The following RARB variants were observed in gnomAD, a reference collection of about 807,000 sequenced individuals.
RARB encodes the protein retinoic acid receptor beta.
Under a neutral mutation model 51.9 loss-of-function variants are expected in RARB, and 17 were observed. That is an observed-to-expected ratio of 0.33 (90% CI 0.22 to 0.49). RARB has a LOEUF of 0.49. Among genes scored for constraint, RARB ranks in the 20% least tolerant of loss-of-function variants. The pLI is 0.99. For synonymous variants in RARB, 215 were observed against 195.4 expected, an observed-to-expected ratio of 1.10 and a Z score of -0.84; for missense variants, 369 against 550.8, an observed-to-expected ratio of 0.67 and a Z score of 3.30.
At chr3:25,063,177 A>G (rs1488739060) in intron 3 of RARB, among the ~76,000 whole-genome samples, 1 of 151,996 alleles carries the variant, frequency 6.6e-6, no homozygotes, top group Non-Finnish European at 1.5e-5. Flanking sequence ...TCCCCAGCAA[A>G]TACAATAGAA....
At chr3:25,448,210 A>AG (rs1236789302) in intron 1 of RARB, among the ~76,000 whole-genome samples, 1 of 152,112 alleles carries the variant, frequency 6.6e-6, no homozygotes, top group African/African-American at 2.4e-5. Flanking sequence ...TTGCCTATAA[A>AG]GGTGGACAAG....
At chr3:24,906,302 T>C (rs967983972) in intron 2 of RARB, among the ~76,000 whole-genome samples, 8 of 152,132 alleles carry the variant, frequency 5.3e-5, no homozygotes, top group African/African-American at 1.7e-4. Context: ...TAGAGAAGAA[T>C]GGATGGATCT....
intron 5 of RARB, among the ~76,000 whole-genome samples, chr3:25,251,487 G>T (rs1257051592): frequency 6.6e-6 from 1 of 152,054 alleles, no homozygotes; most frequent in East Asian, 1.9e-4. Flanking sequence ...CTTGTTAGCA[G>T]TGTGTGAGCA....
chr3:25,059,730 G>A (rs1370990328), intron 2 of RARB, among the ~76,000 whole-genome samples: 2 of 151,498 alleles, frequency 1.3e-5, no homozygotes, highest in African/African-American at 4.8e-5. Context: ...AATAGAAGGG[G>A]AACAGCAACA....
intron 5 of RARB, among the ~76,000 whole-genome samples, chr3:25,216,584 G>A (rs1216327391): frequency 2.6e-5 from 4 of 152,018 alleles, no homozygotes; most frequent in African/African-American, 9.7e-5. Context: ...GGCCTATTGG[G>A]GGGTGGGGGG....
intron 2 of RARB, among the ~76,000 whole-genome samples, chr3:24,956,813 C>T (rs1007465786): frequency 4.6e-5 from 7 of 152,032 alleles, no homozygotes; most frequent in Admixed American, 1.3e-4. Flanking sequence ...ACAGACTGTC[C>T]GCTAGATATT....
At chr3:25,340,106 G>C (rs149483238) in intron 5 of RARB, among the ~76,000 whole-genome samples, 5 of 152,242 alleles carry the variant, frequency 3.3e-5, no homozygotes, top group African/African-American at 1.2e-4. Flanking sequence ...GAACATCACT[G>C]ATAGTAAAAT....
At chr3:25,062,973 G>T (rs150627326) in intron 3 of RARB, among the ~76,000 whole-genome samples, 17 of 151,866 alleles carry the variant, frequency 1.1e-4, no homozygotes, top group Non-Finnish European at 2.2e-4. Context: ...AACTAGGAAC[G>T]ACAAAACTTG....
intron 3 of RARB, among the ~76,000 whole-genome samples, chr3:25,525,589 G>A (rs1286756): frequency 0.55 from 83,288 of 152,076 alleles, 25,593 homozygotes; most frequent in African/African-American, 0.83. Flanking sequence ...GTGCTGTTTT[G>A]GATGAAAGTC....
chr3:25,384,390 T>A (rs775048326), intron 5 of RARB, among the ~76,000 whole-genome samples: 7 of 152,222 alleles, frequency 4.6e-5, no homozygotes, highest in African/African-American at 4.8e-5. Context: ...ATGAGCAGCA[T>A]GTAGAATAAC....
chr3:25,278,818 A>G (rs1298385717), intron 5 of RARB, among the ~76,000 whole-genome samples: 1 of 152,330 alleles, frequency 6.6e-6, no homozygotes, highest in African/African-American at 2.4e-5. Context: ...CTACTAAAGG[A>G]TAACACAAAT....
intron 2 of RARB, among the ~76,000 whole-genome samples, chr3:24,996,855 A>G (rs1329356516): frequency 1.3e-5 from 2 of 152,048 alleles, no homozygotes; most frequent in Non-Finnish European, 2.9e-5. Context: ...AAAAATTTAG[A>G]GACTTGTTTT....
intron 2 of RARB, among the ~76,000 whole-genome samples, chr3:24,859,036 CAAAAAAAAAAAAAAAA>C (rs1169235713): frequency 4.0e-5 from 2 of 50,320 alleles, no homozygotes; most frequent in Admixed American, 2.2e-4. Context: ...GACTCTGTCT[CAAAAAAAAAAAAAAAA>C]AAAAAGAAAA....
At chr3:25,175,549 C>T (rs1016290647) in intron 5 of RARB, among the ~76,000 whole-genome samples, 1 of 152,170 alleles carries the variant, frequency 6.6e-6, no homozygotes, top group African/African-American at 2.4e-5. Context: ...CTACTACATC[C>T]TTAGCTCACC....
chr3:25,067,504 C>T (rs554126093), intron 3 of RARB, among the ~76,000 whole-genome samples: 12 of 152,056 alleles, frequency 7.9e-5, no homozygotes, highest in Non-Finnish European at 1.6e-4. Flanking sequence ...TTCTACATGC[C>T]TTTTATCACA....
chr3:25,078,918 C>G (rs1269296592), intron 3 of RARB, among the ~76,000 whole-genome samples: 1 of 152,140 alleles, frequency 6.6e-6, no homozygotes, highest in Non-Finnish European at 1.5e-5. Flanking sequence ...TTGTCGAACT[C>G]TACAAAGGAG....
intron 3 of RARB, among the ~76,000 whole-genome samples, chr3:25,099,009 G>A (rs991852790): frequency 1.3e-5 from 2 of 152,152 alleles, no homozygotes; most frequent in African/African-American, 4.8e-5. Context: ...CCCTGTGAAA[G>A]CTGGGGCTTG....
At chr3:24,880,933 C>T (rs1703146699) in intron 2 of RARB, among the ~76,000 whole-genome samples, 1 of 152,090 alleles carries the variant, frequency 6.6e-6, no homozygotes, top group South Asian at 2.1e-4. Context: ...TGTAGAAGTT[C>T]TTTGGGATCT....
At chr3:25,362,750 C>T (rs1705986868) in intron 5 of RARB, among the ~76,000 whole-genome samples, 1 of 152,194 alleles carries the variant, frequency 6.6e-6, no homozygotes, top group South Asian at 2.1e-4. Context: ...CTTGTGCTTC[C>T]TGGGTGAAGC....
Sources: gnomAD v4.1 joint callset for allele counts (sites outside exome capture counted in the v4.1 genomes callset) on GRCh38, gnomAD v4.1.1 for gene constraint, MANE v1.5 for transcripts, NCBI Gene and HGNC (gene_info 2026-07-23, HGNC 2026-07-21) for gene names.